Variants in ERBB4 observed in about 807,000 individuals in gnomAD.
ERBB4 encodes erb-b2 receptor tyrosine kinase 4, also known as receptor tyrosine-protein kinase erbB-4.
A neutral mutation model predicts 158.0 loss-of-function variants in ERBB4; 42 were observed. The observed-to-expected ratio is 0.27, with a 90% CI of 0.21 to 0.34. ERBB4 has a LOEUF of 0.34. Ranked by LOEUF, ERBB4 falls within the 10% of genes least tolerant of loss-of-function variation. The probability of loss-of-function intolerance (pLI) is 1.00; values close to 1 mark genes in which losing one functional copy is unlikely to be tolerated. For missense variants in ERBB4, 1,333 were observed against 1,624.1 expected, an observed-to-expected ratio of 0.82 and a Z score of 3.08; for synonymous variants, 583 against 558.7, an observed-to-expected ratio of 1.04 and a Z score of -0.61.
chr2:212,322,517 G>C (rs2087614420), intron 1 of ERBB4, among the ~76,000 whole-genome samples: 1 of 150,508 alleles, frequency 6.6e-6, no homozygotes, highest in South Asian at 2.1e-4. Flanking sequence ...AAAGATATTT[G>C]AATGCGTATA....
intron 16 of ERBB4, among the ~76,000 whole-genome samples, chr2:211,645,483 T>A (rs2105866287): frequency 6.6e-6 from 1 of 151,838 alleles, no homozygotes; most frequent in Middle Eastern, 3.4e-3. Flanking sequence ...CAGATACATA[T>A]ATCTATAGCT....
At chr2:212,484,386 G>A (rs182641651) in intron 1 of ERBB4, among the ~76,000 whole-genome samples, 1 of 150,332 alleles carries the variant, frequency 6.7e-6, no homozygotes, top group Admixed American at 6.6e-5. Context: ...ATATATAATA[G>A]AATCTAGAAA....
chr2:212,328,294 T>G (rs142784536), intron 1 of ERBB4, among the ~76,000 whole-genome samples: 1 of 152,148 alleles, frequency 6.6e-6, no homozygotes, highest in Non-Finnish European at 1.5e-5. Flanking sequence ...AAACTACTAA[T>G]GCAGTGGCTC....
chr2:212,355,694 T>C (rs981420497), intron 1 of ERBB4, among the ~76,000 whole-genome samples: 1 of 152,046 alleles, frequency 6.6e-6, no homozygotes, highest in Non-Finnish European at 1.5e-5. Flanking sequence ...GAGTTTATTA[T>C]AGGTTGTAAC....
chr2:211,569,492 A>C (rs2067650029), intron 19 of ERBB4, among the ~76,000 whole-genome samples: 1 of 152,196 alleles, frequency 6.6e-6, no homozygotes, highest in South Asian at 2.1e-4. Context: ...TAAACATAAA[A>C]CAGATGCATA....
intron 1 of ERBB4, among the ~76,000 whole-genome samples, chr2:212,359,903 A>T (rs904659986): frequency 1.3e-5 from 2 of 151,664 alleles, no homozygotes; most frequent in African/African-American, 4.8e-5. Flanking sequence ...TTATTTTTTA[A>T]ATGTGCCCAC....
chr2:212,131,022 G>A lies in ERBB4; in HGVS notation c.83-6119C>T, dbSNP rs931291036. Reference sequence around the variant, plus strand: ...GGGCATTAAAAAATCTAGCATTGCAGTAAACATCAAAATACAAAATATTGA... The same window carrying A: ...GGGCATTAAAAAATCTAGCATTGCAATAAACATCAAAATACAAAATATTGA... On this transcript the variant is annotated intron_variant, in intron 1 of 27. Transcript: ENST00000342788. 3.3e-5 allele frequency among the ~76,000 whole-genome samples: 5 copies of A among 152,150 alleles called. No homozygotes were observed. In the East Asian group the frequency reaches 9.6e-4, roughly 29 times the overall value.
intron 3 of ERBB4, among the ~76,000 whole-genome samples, chr2:211,913,949 C>T (rs1385918178): frequency 3.1e-5 from 4 of 130,400 alleles, no homozygotes; most frequent in Non-Finnish European, 5.0e-5. Context: ...AAAAGGAAAA[C>T]AAAAATCAAA....
chr2:211,433,845 C>G (rs2063795044), intron 20 of ERBB4, among the ~76,000 whole-genome samples: 1 of 152,178 alleles, frequency 6.6e-6, no homozygotes, highest in Admixed American at 6.5e-5. Flanking sequence ...CCAACTGTAC[C>G]CCAATAAGGG....
rs370535560 is a variant in ERBB4, at chr2:211,866,687, C to G, written c.422-78528G>C. 2.9e-4 allele frequency among the ~76,000 whole-genome samples: 44 copies of G among 152,138 alleles called. No homozygotes were observed. The South Asian group carries it at 9.1e-3, about 32-fold the overall frequency. ...AAAACAGCATTAGTTGATTCTGTGA[C>G]TAACATTAATCCCACTGTTTATAAA... On this transcript the variant is annotated intron_variant, in intron 3 of 27. Coordinates refer to ENST00000342788, the MANE Select transcript of ERBB4 (RefSeq NM_005235.3).
At chr2:211,419,376 TAAAG>T (rs2063463757) in intron 25 of ERBB4, among the ~76,000 whole-genome samples, 1 of 152,048 alleles carries the variant, frequency 6.6e-6, no homozygotes, top group Admixed American at 6.6e-5. Context: ...CAATATGAAA[TAAAG>T]AAAATTATGT....
intron 19 of ERBB4, among the ~76,000 whole-genome samples, chr2:211,597,438 CT>C (rs1374822472): frequency 2.0e-5 from 3 of 152,106 alleles, no homozygotes; most frequent in Non-Finnish European, 4.4e-5. Flanking sequence ...TATTAACACT[CT>C]TTTTCAATCC....
intron 15 of ERBB4, among the ~76,000 whole-genome samples, chr2:211,662,163 G>C (rs940626384): frequency 7.7e-6 from 1 of 130,314 alleles, no homozygotes; most frequent in African/African-American, 2.8e-5. Flanking sequence ...TTTTTAAAAA[G>C]ATGTTCCATA....
Position 211,772,947 on chromosome 2 carries a change from A to AT in ERBB4, c.556+15077dup, listed in dbSNP as rs1196602124. The stretch of plus-strand genomic sequence containing the variant: ...CACATATATATATATATATATATAT[A>AT]TATATATATTTTTTTTTTTAAAGAT... On this transcript the variant is annotated intron_variant, in intron 4 of 27. Transcript: ENST00000342788. Among the ~76,000 whole-genome samples, 18 of 81,718 alleles carry AT rather than the reference A, an allele frequency of 2.2e-4. 2 individuals are homozygous for AT. Among genetic ancestry groups the AT allele is most frequent in the African/African-American group, 1.2e-3 (17 of 14,506 alleles). 53.6% of individuals were successfully genotyped at this position (81,718 alleles called of 152,430 possible). A position where few individuals can be genotyped will look rare whatever the true frequency, so the allele number is the denominator to read the frequency against.
intron 2 of ERBB4, among the ~76,000 whole-genome samples, chr2:212,108,899 A>G (rs2079313913): frequency 6.6e-6 from 1 of 152,076 alleles, no homozygotes; most frequent in Non-Finnish European, 1.5e-5. Flanking sequence ...TTGGCTGAGT[A>G]TCTATGGTGG....
At chr2:211,687,134 A>T (rs2072589876) in intron 12 of ERBB4, among the ~76,000 whole-genome samples, 1 of 3,368 alleles carries the variant, frequency 3.0e-4, no homozygotes. Flanking sequence ...ATCTCTACTT[A>T]AAAAAAAAAA....
intron 2 of ERBB4, among the ~76,000 whole-genome samples, chr2:211,981,195 TG>T (rs1209413958): frequency 5.3e-5 from 8 of 152,094 alleles, no homozygotes; most frequent in Admixed American, 5.2e-4. Context: ...CTCTGCACAA[TG>T]GGGTTCCCAC....
At chr2:211,664,879 T>G (rs2071569029) in intron 15 of ERBB4, among the ~76,000 whole-genome samples, 1 of 152,178 alleles carries the variant, frequency 6.6e-6, no homozygotes, top group Admixed American at 6.5e-5. Flanking sequence ...AAGGAGTAAT[T>G]TAAGGTAGTA....
chr2:211,673,168 C>A lies in ERBB4; in HGVS notation c.1712G>T (p.Gly571Val). The change falls in exon 14 of 28, where the codon GGA becomes GTA. Residue 571 changes from glycine (G) to valine (V), a missense_variant. By Grantham distance (109) the Gly-to-Val change is moderately radical. Around this residue, in one of 5 missense-constraint regions of ERBB4, gnomAD observed 245 missense variants for 247.5 expected, o/e 0.99. Transcript: ENST00000342788. ...KMEDGLLTCHGPGPDNCTKCS... is the reference protein window; with the variant it reads ...KMEDGLLTCHVPGPDNCTKCS... ...CACAGATGTCTTCAGGCTTACCGGT[C>A]CATGGCATGTGAGGAGGCCATCTTC... The A allele has an allele frequency of 6.2e-7, 1 of 1,609,018 alleles. No individual in the cohort carries two copies. Among genetic ancestry groups the A allele is most frequent in the Non-Finnish European group, 8.5e-7 (1 of 1,175,476 alleles).
Sources: allele counts gnomAD v4.1 joint callset (sites outside exome capture counted in the v4.1 genomes callset), GRCh38; gene constraint gnomAD v4.1.1; regional missense constraint gnomAD v4.1.1; transcripts MANE v1.5; gene names NCBI Gene and HGNC (gene_info 2026-07-23, HGNC 2026-07-21).